The following CNTNAP5 variants were observed in gnomAD, a reference collection of about 807,000 sequenced individuals.
CNTNAP5 encodes contactin associated protein family member 5.
Under a neutral mutation model 150.2 loss-of-function variants are expected in CNTNAP5, and 72 were observed. The ratio of observed to expected loss-of-function variants is 0.48; its 90% CI spans 0.40 to 0.58. The LOEUF (loss-of-function observed/expected upper bound fraction) is 0.58. Among genes scored for constraint, CNTNAP5 ranks in the 20% least tolerant of loss-of-function variants. CNTNAP5 has a pLI of 0.00. For synonymous variants in CNTNAP5, 672 were observed against 619.8 expected (o/e 1.08, Z -1.25); for missense variants, 1,636 against 1,626.2 (o/e 1.01, Z -0.10).
chr2:124,038,764 G>A (rs750951473), intron 1 of CNTNAP5, among the ~76,000 whole-genome samples: 11 of 152,186 alleles, frequency 7.2e-5, no homozygotes, highest in East Asian at 1.9e-4. Context: ...GGTACCGTGT[G>A]AAGACTTCTG....
intron 13 of CNTNAP5, among the ~76,000 whole-genome samples, chr2:124,744,007 T>C (rs888998363): frequency 6.6e-6 from 1 of 152,198 alleles, no homozygotes; most frequent in Admixed American, 6.5e-5. Flanking sequence ...CTGATTGGTA[T>C]GGTTTAAAAT....
At chr2:124,299,224 C>G (rs892225932) in intron 3 of CNTNAP5, among the ~76,000 whole-genome samples, 1 of 152,280 alleles carries the variant, frequency 6.6e-6, no homozygotes, top group South Asian at 2.1e-4. Flanking sequence ...GTGGCTCCCC[C>G]ACAGTGTGCA....
At chr2:124,609,477 C>T (rs1677327870) in intron 11 of CNTNAP5, among the ~76,000 whole-genome samples, 1 of 151,902 alleles carries the variant, frequency 6.6e-6, no homozygotes, top group African/African-American at 2.4e-5. Flanking sequence ...CCTATACTCC[C>T]AGCTACTCGG....
chr2:124,038,294 T>C lies in CNTNAP5; in HGVS notation c.82+12562T>C, dbSNP rs187658039. 1.4e-4 allele frequency among the ~76,000 whole-genome samples: 22 copies of C among 152,306 alleles called. No individual in the cohort carries two copies. The East Asian group carries it at 3.9e-3, about 27-fold the overall frequency. On this transcript the variant is annotated intron_variant, in intron 1 of 23. Transcript: ENST00000682447. ...GCTTTGTTTTATTCTCAAGTTCTCA[T>C]GAGTTTGAGAACTTAGGCCTGCTGC... is the stretch of plus-strand genomic sequence containing the variant.
chr2:124,027,490 T>G (rs1680927630), intron 1 of CNTNAP5, among the ~76,000 whole-genome samples: 1 of 152,264 alleles, frequency 6.6e-6, no homozygotes, highest in African/African-American at 2.4e-5. Flanking sequence ...GCTGTGGACT[T>G]TCTAATGCAA....
chr2:124,372,184 T>A (rs1305171072), intron 3 of CNTNAP5, among the ~76,000 whole-genome samples: 1 of 152,054 alleles, frequency 6.6e-6, no homozygotes, highest in Non-Finnish European at 1.5e-5. Flanking sequence ...CCCTTGGACA[T>A]CAGACTCCAG....
intron 3 of CNTNAP5, among the ~76,000 whole-genome samples, chr2:124,334,885 T>A (rs562496964): frequency 6.6e-6 from 1 of 152,220 alleles, no homozygotes; most frequent in South Asian, 2.1e-4. Context: ...TATCGACAAT[T>A]AGGATCTCCG....
intron 3 of CNTNAP5, among the ~76,000 whole-genome samples, chr2:124,339,020 A>G (rs959387253): frequency 6.6e-6 from 1 of 152,154 alleles, no homozygotes; most frequent in African/African-American, 2.4e-5. Flanking sequence ...GTCATGGAGG[A>G]AAAAAGTTAG....
intron 10 of CNTNAP5, among the ~76,000 whole-genome samples, chr2:124,529,734 G>T (rs2104893102): frequency 6.6e-6 from 1 of 152,260 alleles, no homozygotes; most frequent in Non-Finnish European, 1.5e-5. Context: ...GAATAGGCTG[G>T]CAGTGGTTTT....
At chr2:124,532,204 G>T (rs1695125662) in intron 10 of CNTNAP5, among the ~76,000 whole-genome samples, 1 of 152,074 alleles carries the variant, frequency 6.6e-6, no homozygotes, top group African/African-American at 2.4e-5. Context: ...ATAAGTAAAA[G>T]GACTTGCATT....
At chr2:124,844,741 G>T (rs1683013244) in intron 19 of CNTNAP5, among the ~76,000 whole-genome samples, 1 of 151,830 alleles carries the variant, frequency 6.6e-6, no homozygotes, top group South Asian at 2.1e-4. Context: ...AATGTGAAAT[G>T]GGTTGAGATT....
intron 20 of CNTNAP5, among the ~76,000 whole-genome samples, chr2:124,868,064 C>T (rs573304410): frequency 1.3e-5 from 2 of 152,232 alleles, no homozygotes; most frequent in Admixed American, 1.3e-4. Flanking sequence ...ATCTACCTTT[C>T]CCCAAGCCAC....
chr2:124,358,082 G>A (rs1236707616), intron 3 of CNTNAP5, among the ~76,000 whole-genome samples: 25 of 152,294 alleles, frequency 1.6e-4, no homozygotes, highest in African/African-American at 5.8e-4. Context: ...GTGAATGGGA[G>A]TTCACTCATG....
intron 19 of CNTNAP5, among the ~76,000 whole-genome samples, chr2:124,828,484 A>G (rs182857874): frequency 4.6e-5 from 7 of 152,152 alleles, no homozygotes; most frequent in Admixed American, 2.0e-4. Flanking sequence ...CCATCTCAAA[A>G]AACAAAAAAC....
At chr2:124,549,814 G>A (rs1315657037) in intron 10 of CNTNAP5, among the ~76,000 whole-genome samples, 2 of 152,192 alleles carry the variant, frequency 1.3e-5, no homozygotes, top group Non-Finnish European at 2.9e-5. Context: ...GCTATGATAC[G>A]TTATTATTTT....
intron 1 of CNTNAP5, among the ~76,000 whole-genome samples, chr2:124,180,787 C>A (rs1302410369): frequency 6.8e-6 from 1 of 147,190 alleles, no homozygotes; most frequent in Non-Finnish European, 1.5e-5. Flanking sequence ...CAATCTCCCC[C>A]CAAATAATTC....
At chr2:124,205,722 T>G (rs568605929) in intron 1 of CNTNAP5, among the ~76,000 whole-genome samples, 1 of 152,344 alleles carries the variant, frequency 6.6e-6, no homozygotes, top group African/African-American at 2.4e-5. Context: ...TCTTTATAAA[T>G]GATCCAGTCT....
chr2:124,121,998 A>G (rs918172327), intron 1 of CNTNAP5, among the ~76,000 whole-genome samples: 22 of 152,338 alleles, frequency 1.4e-4, no homozygotes, highest in Admixed American at 1.2e-3. Flanking sequence ...CTCTTTAGCA[A>G]GCATTCTACT....
In CNTNAP5 at chr2:124,135,092, AAGAACAAGAAGTAAGAAAGCCTGG is replaced by A. The variant is rs1283686474; in HGVS notation, c.83-86589_83-86566del. 1.8e-3 allele frequency: 280 copies of A among 152,320 alleles called. 2 individuals are homozygous for A. Among genetic ancestry groups the A allele is most frequent in the Middle Eastern group, 6.8e-3 (2 of 294 alleles). The allele number at this position is 152,320 out of a possible 1,614,324, so 9.4% of individuals were successfully genotyped here. Reference sequence around the variant, plus strand: ...GTGAGGCTCTTAATAGAATGGCAAGAAGAACAAGAAGTAAGAAAGCCTGGAGAACAAGAAGTAAGAAAGCCTGAA... The same window carrying A: ...GTGAGGCTCTTAATAGAATGGCAAGAAGAACAAGAAGTAAGAAAGCCTGAA... On this transcript the variant is annotated intron_variant, in intron 1 of 23. Transcript: ENST00000682447.
Sources: allele counts gnomAD v4.1 joint callset (sites outside exome capture counted in the v4.1 genomes callset), GRCh38; gene constraint gnomAD v4.1.1; transcripts MANE v1.5; gene names NCBI Gene and HGNC (gene_info 2026-07-23, HGNC 2026-07-21).